COLQ: variants seen among roughly 807,000 people sequenced by gnomAD.
The protein encoded by COLQ is acetylcholinesterase collagenic tail peptide.
COLQ carries 48 observed loss-of-function variants against 69.0 expected under a neutral mutation model. The ratio of observed to expected loss-of-function variants is 0.70; its 90% CI spans 0.55 to 0.88. The LOEUF (loss-of-function observed/expected upper bound fraction) is 0.88. Among genes scored for constraint, COLQ ranks in the 40% least tolerant of loss-of-function variants. The pLI, the probability that COLQ is intolerant of heterozygous loss-of-function variation, is 0.00. For synonymous variants in COLQ, 217 were observed against 211.2 expected (o/e 1.03, Z -0.24); for missense variants, 618 against 594.6 (o/e 1.04, Z -0.41).
chr3:15,488,862 C>A (rs949962569), intron 2 of COLQ, among the ~76,000 whole-genome samples: 1 of 152,198 alleles, frequency 6.6e-6, no homozygotes, highest in Non-Finnish European at 1.5e-5. Flanking sequence ...TTACAGCACA[C>A]CTCAACTTGA....
At chr3:15,512,738 T>G (rs2063004390) in intron 1 of COLQ, among the ~76,000 whole-genome samples, 1 of 152,236 alleles carries the variant, frequency 6.6e-6, no homozygotes, top group Non-Finnish European at 1.5e-5. Context: ...ACACATTGTA[T>G]GCCAGGCACT....
chr3:15,512,480 C>G (rs370627186), intron 1 of COLQ, among the ~76,000 whole-genome samples: 1 of 152,176 alleles, frequency 6.6e-6, no homozygotes, highest in Non-Finnish European at 1.5e-5. Context: ...CCGGTCACCA[C>G]GAGAAGCCTC....
At chr3:15,509,046 T>C (rs1008833177) in intron 1 of COLQ, among the ~76,000 whole-genome samples, 7 of 152,156 alleles carry the variant, frequency 4.6e-5, no homozygotes, top group African/African-American at 1.7e-4. Context: ...TCTTAATCAA[T>C]TCAAATGGAT....
chr3:15,485,220 G>A (rs1300823229), intron 3 of COLQ, among the ~76,000 whole-genome samples: 1 of 152,200 alleles, frequency 6.6e-6, no homozygotes, highest in African/African-American at 2.4e-5. Context: ...AGCAAATATT[G>A]CAGAAGAGCA....
chr3:15,499,495 G>T (rs980735454), intron 1 of COLQ, among the ~76,000 whole-genome samples: 2 of 152,146 alleles, frequency 1.3e-5, no homozygotes, highest in Non-Finnish European at 2.9e-5. Flanking sequence ...CATTGTACAG[G>T]ACAGCAGCCA....
chr3:15,479,473 G>T, intron 3 of COLQ, 91 bp from the exon 4 acceptor site: 1 of 1,247,018 alleles, frequency 8.0e-7, no homozygotes, highest in Non-Finnish European at 1.2e-6. Flanking sequence ...TCCTACAGCA[G>T]CAACATCATT....
At chr3:15,493,775 G>C (rs763472164) in intron 1 of COLQ, among the ~76,000 whole-genome samples, 2 of 152,254 alleles carry the variant, frequency 1.3e-5, no homozygotes, top group Non-Finnish European at 2.9e-5. Flanking sequence ...AGGCCAGGCA[G>C]ACAGGCACTC....
chr3:15,456,884 G>A (rs1334563304), intron 13 of COLQ, among the ~76,000 whole-genome samples: 1 of 151,928 alleles, frequency 6.6e-6, no homozygotes, highest in Non-Finnish European at 1.5e-5. Context: ...GTGAAGTAGC[G>A]TGATCTCGGC....
intron 15 of COLQ, 142 bp downstream of exon 15, chr3:15,455,757 G>T: frequency 2.0e-6 from 2 of 1,012,422 alleles, no homozygotes; most frequent in Non-Finnish European, 3.0e-6. Flanking sequence ...GGACTGGGGT[G>T]GGTGGCACAA....
intron 1 of COLQ, among the ~76,000 whole-genome samples, chr3:15,490,659 G>A (rs1043520262): frequency 3.3e-5 from 5 of 152,124 alleles, no homozygotes; most frequent in East Asian, 3.9e-4. Flanking sequence ...GCTGAACATC[G>A]CTGATGTTCA....
chr3:15,503,648 C>T (rs1044465311), intron 1 of COLQ, among the ~76,000 whole-genome samples: 7 of 152,138 alleles, frequency 4.6e-5, no homozygotes, highest in African/African-American at 4.8e-5. Flanking sequence ...CTTTGATCCC[C>T]GCAACAGCCC....
At position 15,473,040 on chromosome 3, in the gene COLQ, A is replaced by G. The variant is rs1054942078; in HGVS notation, c.636+960T>C. ...ATGACCTGCTAATTTTTTTTTTTTT[A>G]GAGATGAGATAGTACTATATTGCCC... On this transcript the variant is annotated intron_variant, in intron 10 of 16. Coordinates refer to ENST00000383788, the MANE Select transcript of COLQ (RefSeq NM_005677.4). The surrounding 1 kb of genome is among the most constrained non-coding windows in gnomAD (Gnocchi z 4.0). Among the ~76,000 whole-genome samples, 4 of 148,922 alleles carry G rather than the reference A, an allele frequency of 2.7e-5. No homozygotes were observed. The highest frequency in any genetic ancestry group is 1.0e-4 in the African/African-American group (4 of 39,920).
In COLQ at chr3:15,463,320, G is replaced by GT. The variant is rs1359402311; in HGVS notation, c.814+3020dup. ...CTCAGTTTTTTTTGGTTTTGGTTTT[G>GT]TTTTTTTTTGTTGTTTTTGTTGTTT... On this transcript the variant is annotated intron_variant, in intron 12 of 16. Transcript: ENST00000383788. Among the ~76,000 whole-genome samples, 708 of 149,690 alleles carry GT rather than the reference G, an allele frequency of 4.7e-3. 9 individuals are homozygous for GT. Among genetic ancestry groups the GT allele is most frequent in the Admixed American group, 0.03 (451 of 15,048 alleles).
intron 12 of COLQ, among the ~76,000 whole-genome samples, chr3:15,463,474 G>T (rs1288481104): frequency 4.6e-5 from 7 of 151,756 alleles, no homozygotes; most frequent in Non-Finnish European, 7.4e-5. Flanking sequence ...AGCCTCCCAT[G>T]TAGCTGGGAC....
intron 1 of COLQ, among the ~76,000 whole-genome samples, chr3:15,514,987 G>A (rs2063040085): frequency 6.6e-6 from 1 of 152,072 alleles, no homozygotes; most frequent in African/African-American, 2.4e-5. Context: ...AGCCACTAAG[G>A]CAATTTTTAG....
At chr3:15,489,048 T>C (rs1450303131) in intron 2 of COLQ, among the ~76,000 whole-genome samples, 1 of 152,214 alleles carries the variant, frequency 6.6e-6, no homozygotes, top group East Asian at 1.9e-4. Context: ...TGGTCCTTTC[T>C]TTCCAAATTC....
intron 1 of COLQ, among the ~76,000 whole-genome samples, chr3:15,516,904 G>A (rs992451833): frequency 3.3e-5 from 5 of 152,202 alleles, no homozygotes; most frequent in African/African-American, 1.2e-4. Context: ...CACTTTGGGA[G>A]GTCAAGGCCA....
rs541524853 is a variant in COLQ, at chr3:15,459,741, A to AG, written c.815-1417dup. 2.3e-4 allele frequency among the ~76,000 whole-genome samples: 35 copies of AG among 152,190 alleles called. No individual in the cohort carries two copies. In the East Asian group the frequency reaches 6.6e-3, roughly 29 times the overall value. On this transcript the variant is annotated intron_variant, in intron 12 of 16. Transcript: ENST00000383788. ...TGATCCATCTCCCTTGGCCTCCCAA[A>AG]GTGCTGGGATTACAGGTGTGAGCTG... is the stretch of plus-strand genomic sequence containing the variant.
chr3:15,521,646 G>C lies in COLQ; in HGVS notation c.-21C>G, dbSNP rs758875066. 3 of 1,613,926 alleles carry C rather than the reference G, an allele frequency of 1.9e-6. No individual in the cohort carries two copies. Among genetic ancestry groups the C allele is most frequent in the Non-Finnish European group, 1.7e-6 (2 of 1,179,986 alleles). The stretch of plus-strand genomic sequence containing the variant: ...ACCATGCTGGCCAGGGTCTGGCGAG[G>C]GTCAAGTTAGAAAGGAGGCTGCTGC... On this transcript the variant is annotated 5_prime_UTR_variant, in exon 1 of 17. Transcript: ENST00000383788.
Sources: gnomAD v4.1 joint callset for allele counts (sites outside exome capture counted in the v4.1 genomes callset) on GRCh38, gnomAD v4.1.1 for gene constraint, Gnocchi (gnomAD v3.1) non-coding constraint, MANE v1.5 for transcripts, NCBI Gene and HGNC (gene_info 2026-07-23, HGNC 2026-07-21) for gene names.